DTL: variants seen among roughly 807,000 people sequenced by gnomAD.
The protein encoded by DTL is denticleless E3 ubiquitin protein ligase adapter.
In DTL, 46 loss-of-function variants were observed where a neutral mutation model predicts 87.0. The ratio of observed to expected loss-of-function variants is 0.53; its 90% CI spans 0.42 to 0.68. DTL has a LOEUF of 0.68. Ranked by LOEUF, DTL falls within the 30% of genes least tolerant of loss-of-function variation. DTL has a pLI of 0.00. For synonymous variants in DTL, 308 were observed against 311.2 expected (o/e 0.99, Z 0.11); for missense variants, 737 against 869.4 (o/e 0.85, Z 1.91).
At chr1:212,094,651 T>C (rs1655390659) in intron 13 of DTL, among the ~76,000 whole-genome samples, 2 of 152,218 alleles carry the variant, frequency 1.3e-5, no homozygotes, top group Non-Finnish European at 2.9e-5. Context: ...GATGATGGTA[T>C]TTTGATGGGA....
intron 6 of DTL, 60 bp from the exon 7 acceptor site, chr1:212,064,857 A>T: frequency 7.4e-7 from 1 of 1,356,370 alleles, no homozygotes; most frequent in South Asian, 1.2e-5. Flanking sequence ...TTTTATTTAC[A>T]CATGTTATAT....
chr1:212,055,085 G>A (rs532861282), intron 5 of DTL, among the ~76,000 whole-genome samples: 41 of 152,310 alleles, frequency 2.7e-4, no homozygotes, highest in African/African-American at 9.1e-4. Flanking sequence ...CAGTGAGATC[G>A]TAGATAATCA....
chr1:212,073,128 A>G (rs1314249204), intron 11 of DTL, among the ~76,000 whole-genome samples: 1 of 152,210 alleles, frequency 6.6e-6, no homozygotes, highest in Non-Finnish European at 1.5e-5. Flanking sequence ...AAGCTAAGAA[A>G]TTTAAAGCTG....
chr1:212,067,685 A>C (rs1009611389), intron 8 of DTL, among the ~76,000 whole-genome samples: 1 of 152,200 alleles, frequency 6.6e-6, no homozygotes, highest in Non-Finnish European at 1.5e-5. Flanking sequence ...GTTTGTTTCC[A>C]AGAATACTGT....
chr1:212,037,755 T>C (rs1004175680), intron 1 of DTL, among the ~76,000 whole-genome samples: 14 of 152,216 alleles, frequency 9.2e-5, no homozygotes, highest in Non-Finnish European at 2.9e-5. Context: ...ACCTCGGTCA[T>C]AGTGGTGGTG....
intron 5 of DTL, among the ~76,000 whole-genome samples, chr1:212,052,620 G>T (rs2970594): frequency 0.044 from 6,312 of 144,206 alleles, 178 homozygotes; most frequent in African/African-American, 0.074. Context: ...CTCCAGCCTG[G>T]GCAACAGAGC....
intron 5 of DTL, among the ~76,000 whole-genome samples, chr1:212,056,845 A>G (rs2102541865): frequency 6.6e-6 from 1 of 152,276 alleles, no homozygotes; most frequent in East Asian, 1.9e-4. Flanking sequence ...TTAATGAAAT[A>G]CAAAATACCT....
rs1655598524 is a variant in DTL at position 212,100,792 on chromosome 1, ACT to A, written c.1807_1808del (p.Leu603ArgfsTer9). 5 of 1,613,984 alleles carry A rather than the reference ACT, an allele frequency of 3.1e-6. No homozygotes were observed. Among genetic ancestry groups the A allele is most frequent in the Non-Finnish European group, 4.2e-6 (5 of 1,179,996 alleles). ...GGTAACCAGGAAGACCTTAGTAAGGACTCTCTAGGTCCTACCAAATCAAGCAA... is the reference window on the plus strand; with the variant it reads ...GGTAACCAGGAAGACCTTAGTAAGGACTCTAGGTCCTACCAAATCAAGCAA... On this transcript the variant is annotated frameshift_variant, in exon 14 of 15. Transcript: ENST00000366991. LOFTEE classifies it high-confidence loss of function.
intron 13 of DTL, among the ~76,000 whole-genome samples, chr1:212,084,974 A>G (rs903637684): frequency 6.6e-6 from 1 of 152,194 alleles, no homozygotes; most frequent in Non-Finnish European, 1.5e-5. Flanking sequence ...ATTTTCCCAT[A>G]TACTTTTATC....
At chr1:212,048,560 T>C (rs996927775) in intron 5 of DTL, among the ~76,000 whole-genome samples, 2 of 152,242 alleles carry the variant, frequency 1.3e-5, no homozygotes, top group African/African-American at 2.4e-5. Context: ...TATATTGTTA[T>C]AATGGACAAG....
intron 14 of DTL, among the ~76,000 whole-genome samples, chr1:212,101,595 C>A (rs529975295): frequency 6.6e-6 from 1 of 152,272 alleles, no homozygotes; most frequent in South Asian, 2.1e-4. Flanking sequence ...TAGATACTTA[C>A]AAAACAATTT....
intron 3 of DTL, among the ~76,000 whole-genome samples, 190 bp downstream of exon 3, chr1:212,044,948 G>A (rs1004695179): frequency 4.6e-5 from 7 of 152,178 alleles, no homozygotes; most frequent in Non-Finnish European, 2.9e-5. Flanking sequence ...GTAGACATCT[G>A]GTGAAGGCCT....
rs1654445412 is a variant in DTL at position 212,064,901 on chromosome 1, T to C, written c.527-16T>C. The C allele has an allele frequency of 6.3e-7, 1 of 1,597,474 alleles. No individual in the cohort carries two copies. The highest frequency in any genetic ancestry group is 1.7e-5 in the Admixed American group (1 of 59,916). On this transcript the variant is annotated splice_polypyrimidine_tract_variant and intron_variant, in intron 6 of 14. Transcript: ENST00000366991. Reference sequence around the variant, plus strand: ...TAAGAATCCTGAAACCTAAATTTCCTTGGAATATCTTTCAGATGGGTTTTA... The same window carrying C: ...TAAGAATCCTGAAACCTAAATTTCCCTGGAATATCTTTCAGATGGGTTTTA...
intron 10 of DTL, among the ~76,000 whole-genome samples, chr1:212,070,095 A>G (rs1202891542): frequency 1.3e-5 from 2 of 152,194 alleles, no homozygotes; most frequent in East Asian, 1.9e-4. Flanking sequence ...AGACTTTTCA[A>G]CATCTTTCCT....
At position 212,079,333 on chromosome 1, in the gene DTL, A is replaced by G. The variant is rs547209009; in HGVS notation, c.1125+1071A>G. 1.1e-4 allele frequency among the ~76,000 whole-genome samples: 16 copies of G among 152,096 alleles called. No individual in the cohort carries two copies. The South Asian group carries it at 3.3e-3, about 32-fold the overall frequency. On this transcript the variant is annotated intron_variant, in intron 12 of 14. Coordinates refer to ENST00000366991, the MANE Select transcript of DTL (RefSeq NM_016448.4). ...GTTATCTTTTTTTCAATTGTCATAT[A>G]TTATCCTTACCCCTATGCATCTCAA... is the stretch of plus-strand genomic sequence containing the variant.
chr1:212,052,419 C>G (rs1455147858), intron 5 of DTL, among the ~76,000 whole-genome samples: 1 of 152,022 alleles, frequency 6.6e-6, no homozygotes, highest in Non-Finnish European at 1.5e-5. Context: ...GGCAGATCAC[C>G]TGAAGTCAGG....
At chr1:212,057,985 G>T (rs546694813) in intron 5 of DTL, among the ~76,000 whole-genome samples, 197 of 152,158 alleles carry the variant, frequency 1.3e-3, no homozygotes, top group African/African-American at 4.5e-3. Flanking sequence ...AGAAACGAAG[G>T]TTATTCTATG....
chr1:212,049,109 G>A (rs1667889005), intron 5 of DTL, among the ~76,000 whole-genome samples: 1 of 152,182 alleles, frequency 6.6e-6, no homozygotes, highest in Non-Finnish European at 1.5e-5. Context: ...TTTTAGTAGA[G>A]ACAGGGTTTC....
intron 1 of DTL, among the ~76,000 whole-genome samples, chr1:212,039,086 ACT>A (rs1667567964): frequency 6.6e-6 from 1 of 151,706 alleles, no homozygotes; most frequent in African/African-American, 2.4e-5. Context: ...TTTACTGATC[ACT>A]CTGTCATACC....
Sources: gnomAD v4.1 joint callset for allele counts (sites outside exome capture counted in the v4.1 genomes callset) on GRCh38, gnomAD v4.1.1 for gene constraint, MANE v1.5 for transcripts, NCBI Gene and HGNC (gene_info 2026-07-23, HGNC 2026-07-21) for gene names.